The following MARCHF6 variants were observed in gnomAD, a reference collection of about 807,000 sequenced individuals.
The protein encoded by MARCHF6 is E3 ubiquitin-protein ligase MARCHF6.
Under a neutral mutation model 133.7 loss-of-function variants are expected in MARCHF6, and 31 were observed. That is an observed-to-expected ratio of 0.23 (90% CI 0.17 to 0.31). MARCHF6 has a LOEUF of 0.31. Ranked by LOEUF, MARCHF6 falls within the 10% of genes least tolerant of loss-of-function variation. The pLI is 1.00. For missense variants in MARCHF6, 723 were observed against 1,121.6 expected (o/e 0.64, Z 5.08); for synonymous variants, 395 against 402.5 (o/e 0.98, Z 0.22).
intron 1 of MARCHF6, among the ~76,000 whole-genome samples, chr5:10,357,016 TCTTA>T (rs1735513921): frequency 6.6e-6 from 1 of 152,206 alleles, no homozygotes; most frequent in African/African-American, 2.4e-5. Context: ...GATAAATCAT[TCTTA>T]CTGTGTATAT....
At chr5:10,423,477 G>T (rs1739931470) in intron 22 of MARCHF6, among the ~76,000 whole-genome samples, 1 of 152,126 alleles carries the variant, frequency 6.6e-6, no homozygotes, top group African/African-American at 2.4e-5. Flanking sequence ...TTAATGACCA[G>T]ACTTTCTCTA....
At chr5:10,432,964 A>C (rs1194377164) in intron 25 of MARCHF6, among the ~76,000 whole-genome samples, 6 of 143,040 alleles carry the variant, frequency 4.2e-5, no homozygotes, top group Admixed American at 3.7e-4. Context: ...GTGCAGTGGC[A>C]CAATTTCAGT....
intron 4 of MARCHF6, among the ~76,000 whole-genome samples, chr5:10,382,744 T>C (rs1737232545): frequency 6.6e-6 from 1 of 152,174 alleles, no homozygotes; most frequent in Non-Finnish European, 1.5e-5. Context: ...GGAGAATCAC[T>C]TGAACCTGGG....
Position 10,434,512 on chromosome 5 carries a change from C to G in MARCHF6, c.*828C>G. The G allele has an allele frequency of 6.9e-6, 1 of 145,548 alleles. No individual in the cohort carries two copies. Among genetic ancestry groups the G allele is most frequent in the Non-Finnish European group, 1.5e-5 (1 of 66,766 alleles). 9.0% of individuals were successfully genotyped at this position (145,548 alleles called of 1,614,324 possible). On this transcript the variant is annotated 3_prime_UTR_variant, in exon 26 of 26. Coordinates refer to ENST00000274140, the MANE Select transcript of MARCHF6 (RefSeq NM_005885.4). Reference sequence around the variant, plus strand: ...CGCCCCCACCCCACACCCACATCCTCTCTTTTCCACACACAACTATCTGTT... The same window carrying G: ...CGCCCCCACCCCACACCCACATCCTGTCTTTTCCACACACAACTATCTGTT...
intron 19 of MARCHF6, 103 bp downstream of exon 19, chr5:10,411,640 T>A: frequency 2.5e-6 from 2 of 811,924 alleles, no homozygotes; most frequent in Non-Finnish European, 3.7e-6. Flanking sequence ...GTCCTCTGTG[T>A]AGACATGTTC....
chr5:10,391,729 A>T lies in MARCHF6; in HGVS notation c.764A>T (p.Gln255Leu). The change falls in exon 7 of 26, where the codon CAG becomes CTG. Residue 255 changes from glutamine to leucine, a missense_variant and splice_region_variant. Around this residue, in one of 4 missense-constraint regions of MARCHF6, gnomAD observed 97 missense variants for 115.4 expected, o/e 0.84. Transcript: ENST00000274140. ...EDAADANNGA[Q>L]DDMNWNALEW... ...GCGGCAGATGCTAATAACGGAGCCC[A>T]GGGTAATGGCTGCTTGTGTGTCCTC... The T allele has an allele frequency of 1.9e-6, 3 of 1,544,256 alleles. No individual in the cohort carries two copies. The highest frequency in any genetic ancestry group is 2.6e-6 in the Non-Finnish European group (3 of 1,144,838).
chr5:10,418,872 G>A (rs1739680544), intron 22 of MARCHF6, among the ~76,000 whole-genome samples: 2 of 152,204 alleles, frequency 1.3e-5, no homozygotes, highest in Non-Finnish European at 2.9e-5. Flanking sequence ...GAAGCACAAG[G>A]AACTGTGGCA....
chr5:10,378,792 A>G lies in MARCHF6; in HGVS notation c.150A>G (p.Glu50=), dbSNP rs769926241. The G allele has an allele frequency of 1.9e-5, 31 of 1,609,896 alleles. No individual in the cohort carries two copies. The highest frequency in any genetic ancestry group is 1.2e-5 in the Non-Finnish European group (14 of 1,177,638). Residue 50 remains glutamate, a synonymous_variant, in exon 3 of 26, where the codon GAA becomes GAG. Coordinates refer to ENST00000274140, the MANE Select transcript of MARCHF6 (RefSeq NM_005885.4). ...AATGGCTGAAACACAGTCGAAAAGA[A>G]TACTGTGAATTATGCAAGCACAGAT... is the stretch of plus-strand genomic sequence containing the variant. The part of the protein sequence containing the change: ...LVQWLKHSRK[E]YCELCKHRFA...
chr5:10,392,148 C>G (rs933143132), intron 7 of MARCHF6, among the ~76,000 whole-genome samples: 1 of 152,018 alleles, frequency 6.6e-6, no homozygotes, highest in East Asian at 1.9e-4. Context: ...TTAGTAGAGA[C>G]GGGGTTTCAC....
At chr5:10,417,426 A>G in intron 22 of MARCHF6, 22 bp downstream of exon 22, 1 of 1,612,386 alleles carries the variant, frequency 6.2e-7, no homozygotes, top group Non-Finnish European at 8.5e-7. Flanking sequence ...TCTTTTGCTC[A>G]TGTTATTTCA....
chr5:10,439,087 C>T lies in MARCHF6; in HGVS notation c.*5403C>T, dbSNP rs1579635004. The T allele has an allele frequency of 6.6e-6, 1 of 152,206 alleles. No homozygotes were observed. Among genetic ancestry groups the T allele is most frequent in the Non-Finnish European group, 1.5e-5 (1 of 68,052 alleles). 9.4% of individuals were successfully genotyped at this position (152,206 alleles called of 1,614,324 possible). ...GAGAAGCTTCATACCCAGTACTCCT[C>T]TTCATTCACTCATATGTTTTTGGGA... On this transcript the variant is annotated 3_prime_UTR_variant, in exon 26 of 26. Transcript: ENST00000274140.
intron 1 of MARCHF6, among the ~76,000 whole-genome samples, chr5:10,355,439 A>C (rs1339760772): frequency 1.3e-5 from 2 of 152,214 alleles, no homozygotes; most frequent in East Asian, 3.8e-4. Flanking sequence ...GGGCATTGCT[A>C]CTTGCATACT....
intron 5 of MARCHF6, among the ~76,000 whole-genome samples, chr5:10,387,818 G>A (rs1452029408): frequency 6.6e-6 from 1 of 151,982 alleles, no homozygotes; most frequent in Non-Finnish European, 1.5e-5. Flanking sequence ...GTGGCAGCAA[G>A]CCAGGCTAAT....
rs910929441 is a variant in MARCHF6, at chr5:10,436,557, G to T, written c.*2873G>T. The T allele has an allele frequency of 6.6e-6, 1 of 152,060 alleles. No homozygotes were observed. Among genetic ancestry groups the T allele is most frequent in the Non-Finnish European group, 1.5e-5 (1 of 67,998 alleles). The allele number at this position is 152,060 out of a possible 1,614,324, so 9.4% of individuals were successfully genotyped here. Reference sequence around the variant, plus strand: ...ACCTTCAAGAAGGTTAACTAGGAAAGAAGACCTTTTTGTTTTATTTTTACT... The same window carrying T: ...ACCTTCAAGAAGGTTAACTAGGAAATAAGACCTTTTTGTTTTATTTTTACT... On this transcript the variant is annotated 3_prime_UTR_variant, in exon 26 of 26. Coordinates refer to ENST00000274140, the MANE Select transcript of MARCHF6 (RefSeq NM_005885.4).
At chr5:10,412,348 T>C (rs148770495) in intron 19 of MARCHF6, among the ~76,000 whole-genome samples, 5 of 152,324 alleles carry the variant, frequency 3.3e-5, no homozygotes, top group East Asian at 3.9e-4. Flanking sequence ...AGATTTGAGC[T>C]CTCATGCTGG....
At chr5:10,427,189 GTC>G (rs1372688505) in intron 24 of MARCHF6, among the ~76,000 whole-genome samples, 2 of 152,144 alleles carry the variant, frequency 1.3e-5, no homozygotes, top group African/African-American at 4.8e-5. Context: ...GAAGAATCTG[GTC>G]TCTCGTCTCT....
intron 4 of MARCHF6, among the ~76,000 whole-genome samples, chr5:10,385,814 A>G (rs1299279788): frequency 1.3e-5 from 2 of 152,368 alleles, no homozygotes; most frequent in East Asian, 1.9e-4. Flanking sequence ...AAGACTTAAC[A>G]TGCCTCTTTG....
chr5:10,354,160 T>C (rs1300339955), intron 1 of MARCHF6, among the ~76,000 whole-genome samples: 1 of 151,530 alleles, frequency 6.6e-6, no homozygotes, highest in African/African-American at 2.4e-5. Flanking sequence ...GGGGCCGGGG[T>C]CGGGGCCTCG....
intron 11 of MARCHF6, 55 bp downstream of exon 11, chr5:10,400,897 A>G: frequency 3.0e-6 from 4 of 1,312,254 alleles, no homozygotes; most frequent in Non-Finnish European, 4.4e-6. Flanking sequence ...AAATGTGATT[A>G]TTAATAAAAT....
Sources: gnomAD v4.1 joint callset for allele counts (sites outside exome capture counted in the v4.1 genomes callset) on GRCh38, gnomAD v4.1.1 for gene constraint, gnomAD v4.1.1 regional missense constraint, MANE v1.5 for transcripts, NCBI Gene and HGNC (gene_info 2026-07-23, HGNC 2026-07-21) for gene names.